The following BICRAL variants were observed in gnomAD, a reference collection of about 807,000 sequenced individuals.
The protein encoded by BICRAL is BRD4-interacting chromatin-remodeling complex-associated protein-like.
A neutral mutation model predicts 91.8 loss-of-function variants in BICRAL; 8 were observed. The ratio of observed to expected loss-of-function variants is 0.09; its 90% CI spans 0.05 to 0.16. BICRAL has a LOEUF of 0.16. BICRAL is among the 10% of genes least tolerant of loss of function. The pLI is 1.00. For missense variants in BICRAL, 1,038 were observed against 1,310.9 expected (o/e 0.79, Z 3.21); for synonymous variants, 445 against 491.1 (o/e 0.91, Z 1.24).
chr6:42,772,904 T>C (rs1347225074), intron 1 of BICRAL, among the ~76,000 whole-genome samples: 2 of 152,090 alleles, frequency 1.3e-5, no homozygotes, highest in Non-Finnish European at 2.9e-5. Flanking sequence ...TGTGAAAGTT[T>C]GCTGAAAATG....
intron 1 of BICRAL, among the ~76,000 whole-genome samples, chr6:42,800,418 C>T (rs1242814551): frequency 2.0e-5 from 3 of 152,140 alleles, no homozygotes; most frequent in Admixed American, 6.5e-5. Context: ...TCCACTTCGG[C>T]CCCCCAAAGT....
intron 1 of BICRAL, among the ~76,000 whole-genome samples, chr6:42,759,910 G>A (rs1243372581): frequency 6.6e-6 from 1 of 152,094 alleles, no homozygotes; most frequent in Admixed American, 6.6e-5. Flanking sequence ...CCCTCACACA[G>A]CACCTGGGAC....
chr6:42,828,216 A>G (rs1764359525), intron 5 of BICRAL, among the ~76,000 whole-genome samples: 1 of 151,924 alleles, frequency 6.6e-6, no homozygotes, highest in Admixed American at 6.6e-5. Context: ...GATTGAGACC[A>G]TGGTGAAACC....
At chr6:42,854,078 C>T (rs1260397858) in intron 8 of BICRAL, among the ~76,000 whole-genome samples, 1 of 152,150 alleles carries the variant, frequency 6.6e-6, no homozygotes, top group Middle Eastern at 3.2e-3. Context: ...TATATCAAAG[C>T]GAATCTCTTC....
intron 5 of BICRAL, among the ~76,000 whole-genome samples, chr6:42,824,299 A>G (rs1051640068): frequency 3.3e-5 from 5 of 152,194 alleles, no homozygotes; most frequent in African/African-American, 1.2e-4. Context: ...TGTCTTTTAA[A>G]TAATAAAAAG....
chr6:42,757,442 C>T (rs775647621), intron 1 of BICRAL, among the ~76,000 whole-genome samples: 24 of 152,180 alleles, frequency 1.6e-4, no homozygotes, highest in Middle Eastern at 3.4e-3. Flanking sequence ...TTACTAGAGA[C>T]GGGGTTTCAC....
At chr6:42,766,453 G>C (rs1762634869) in intron 1 of BICRAL, among the ~76,000 whole-genome samples, 2 of 152,118 alleles carry the variant, frequency 1.3e-5, no homozygotes. Context: ...ACGCAAACTG[G>C]CTAACTGGGG....
At chr6:42,833,837 G>A (rs1764567374) in intron 6 of BICRAL, among the ~76,000 whole-genome samples, 1 of 152,032 alleles carries the variant, frequency 6.6e-6, no homozygotes, top group African/African-American at 2.4e-5. Context: ...TTTGAAGAGT[G>A]CAAACCAATT....
At chr6:42,840,959 C>G (rs1301687287) in intron 6 of BICRAL, among the ~76,000 whole-genome samples, 9 of 150,154 alleles carry the variant, frequency 6.0e-5, no homozygotes, top group African/African-American at 2.2e-4. Flanking sequence ...CTGTATAATA[C>G]CACCTACTCA....
chr6:42,760,608 G>A (rs958538796), intron 1 of BICRAL, among the ~76,000 whole-genome samples: 2 of 151,994 alleles, frequency 1.3e-5, no homozygotes, highest in Non-Finnish European at 1.5e-5. Context: ...GTCTTGCTAT[G>A]TTGCCCAGGC....
intron 1 of BICRAL, among the ~76,000 whole-genome samples, chr6:42,776,730 C>T (rs769768078): frequency 3.3e-5 from 5 of 152,140 alleles, no homozygotes; most frequent in Non-Finnish European, 5.9e-5. Flanking sequence ...CTCCATTTTA[C>T]AGATGAGGAA....
chr6:42,800,147 C>G (rs1190106097), intron 1 of BICRAL, among the ~76,000 whole-genome samples: 1 of 152,144 alleles, frequency 6.6e-6, no homozygotes, highest in East Asian at 1.9e-4. Flanking sequence ...TGACTGCAAC[C>G]TCTGTCTTCC....
rs1252938522 is a variant in BICRAL at position 42,829,590 on chromosome 6, T to C, written c.1257T>C (p.Thr419=). The C allele has an allele frequency of 5.0e-6, 8 of 1,614,204 alleles. No individual in the cohort carries two copies. The highest frequency in any genetic ancestry group is 6.8e-6 in the Non-Finnish European group (8 of 1,180,026). ...VSSNSVHHVQ[T]INGQLLQTQP... Reference sequence around the variant, plus strand: ...CCAACTCGGTACACCACGTCCAGACTATAAATGGGCAACTTCTTCAAACTC... The same window carrying C: ...CCAACTCGGTACACCACGTCCAGACCATAAATGGGCAACTTCTTCAAACTC... The change falls in exon 6 of 13, where the codon ACT becomes ACC. Residue 419 remains threonine (T), a synonymous_variant. Coordinates refer to ENST00000314073, the MANE Select transcript of BICRAL (RefSeq NM_001393499.1).
At chr6:42,758,041 A>G (rs139010487) in intron 1 of BICRAL, among the ~76,000 whole-genome samples, 4 of 152,288 alleles carry the variant, frequency 2.6e-5, no homozygotes, top group Middle Eastern at 3.4e-3. Context: ...ATCAGAGCCA[A>G]CCACAGCACC....
intron 1 of BICRAL, among the ~76,000 whole-genome samples, chr6:42,753,629 TCAGA>T (rs1762414826): frequency 6.6e-6 from 1 of 152,112 alleles, no homozygotes; most frequent in Admixed American, 6.5e-5. Context: ...TTGTTTTTTT[TCAGA>T]CAGGGTCTCA....
intron 1 of BICRAL, among the ~76,000 whole-genome samples, chr6:42,804,898 C>A (rs181731924): frequency 6.6e-6 from 1 of 152,244 alleles, no homozygotes; most frequent in African/African-American, 2.4e-5. Context: ...AATTGGGCCT[C>A]GCTATGTAGC....
chr6:42,828,888 A>G lies in BICRAL; in HGVS notation c.555A>G (p.Gln185=), dbSNP rs773746730. 2 of 1,614,208 alleles carry G rather than the reference A, an allele frequency of 1.2e-6. No homozygotes were observed. Among genetic ancestry groups the G allele is most frequent in the South Asian group, 1.1e-5 (1 of 91,088 alleles). The change falls in exon 6 of 13, where the codon CAA becomes CAG. Residue 185 remains glutamine (Q), a synonymous_variant. Transcript: ENST00000314073. ...TTGCAAGCAATACAGTGGGTGTACAACATGGCTTTATGCAACATGTGGGGA... is the reference window on the plus strand; with the variant it reads ...TTGCAAGCAATACAGTGGGTGTACAGCATGGCTTTATGCAACATGTGGGGA... ...ASFASNTVGV[Q]HGFMQHVGIS...
chr6:42,859,746 A>G (rs1765494196), intron 10 of BICRAL, among the ~76,000 whole-genome samples: 1 of 151,832 alleles, frequency 6.6e-6, no homozygotes, highest in Non-Finnish European at 1.5e-5. Flanking sequence ...GGTTCACGCC[A>G]TTCTCCTGCC....
intron 1 of BICRAL, among the ~76,000 whole-genome samples, chr6:42,748,581 A>T (rs1339532444): frequency 6.6e-6 from 1 of 152,210 alleles, no homozygotes; most frequent in Non-Finnish European, 1.5e-5. Flanking sequence ...TCGAACTTTC[A>T]AGAAAAGGAA....
Sources: allele counts gnomAD v4.1 joint callset (sites outside exome capture counted in the v4.1 genomes callset), GRCh38; gene constraint gnomAD v4.1.1; transcripts MANE v1.5; gene names NCBI Gene and HGNC (gene_info 2026-07-23, HGNC 2026-07-21).